SUGT1: variants seen among roughly 807,000 people sequenced by gnomAD.
SUGT1 encodes the protein protein SGT1 homolog.
In SUGT1, 15 loss-of-function variants were observed where a neutral mutation model predicts 56.1. The ratio of observed to expected loss-of-function variants is 0.27; its 90% CI spans 0.18 to 0.41. The LOEUF (loss-of-function observed/expected upper bound fraction) is 0.41. Among genes scored for constraint, SUGT1 ranks in the 10% least tolerant of loss-of-function variants. The probability of loss-of-function intolerance (pLI) is 1.00; values close to 1 mark genes in which losing one functional copy is unlikely to be tolerated. For missense variants in SUGT1, 347 were observed against 382.2 expected (o/e 0.91, Z 0.77); for synonymous variants, 123 against 128.6 (o/e 0.96, Z 0.30).
Position 52,657,569 on chromosome 13 carries a change from C to A in SUGT1, c.134C>A (p.Ala45Glu). The change falls in exon 3 of 13, where the codon GCA (alanine) becomes GAA (glutamate). Residue 45 changes from alanine to glutamate, a missense_variant. Coordinates refer to ENST00000310528, the MANE Select transcript of SUGT1 (RefSeq NM_006704.5). ...GCTTTGGAACAGAAACCAGATGATG[C>A]ACAGTATTATTGTCAAAGAGCTTAT... The part of the protein sequence containing the change: ...TKALEQKPDD[A>E]QYYCQRAYCH... The A allele has an allele frequency of 6.2e-7, 1 of 1,613,698 alleles. No individual in the cohort carries two copies. Among genetic ancestry groups the A allele is most frequent in the South Asian group, 1.1e-5 (1 of 91,048 alleles).
At position 52,689,033 on chromosome 13, in the gene SUGT1, T is replaced by G. The variant is rs2138185795; in HGVS notation, c.*1198T>G. 1 of 152,314 alleles carries G rather than the reference T, an allele frequency of 6.6e-6. No homozygotes were observed. The highest frequency in any genetic ancestry group is 1.5e-5 in the Non-Finnish European group (1 of 68,030). The allele number at this position is 152,314 out of a possible 1,614,324, so 9.4% of individuals were successfully genotyped here. A position where few individuals can be genotyped will look rare whatever the true frequency, so the allele number is the denominator to read the frequency against. ...GCTCTGTTAGGTGTCACTAACATTTTTATGGCAAAGCACTACTCTATACCC... is the reference window on the plus strand; with the variant it reads ...GCTCTGTTAGGTGTCACTAACATTTGTATGGCAAAGCACTACTCTATACCC... On this transcript the variant is annotated 3_prime_UTR_variant, in exon 13 of 13. Transcript: ENST00000310528.
intron 12 of SUGT1, among the ~76,000 whole-genome samples, chr13:52,684,814 C>T (rs991778736): frequency 2.6e-5 from 4 of 152,028 alleles, no homozygotes; most frequent in Admixed American, 1.3e-4. Context: ...AGGCATGAGC[C>T]ACCACGCCTG....
At chr13:52,675,329 T>G (rs2138152368) in intron 10 of SUGT1, among the ~76,000 whole-genome samples, 1 of 152,310 alleles carries the variant, frequency 6.6e-6, no homozygotes, top group Non-Finnish European at 1.5e-5. Flanking sequence ...ATCCTAGCAC[T>G]TTGGGAGGCT....
At chr13:52,677,720 A>G (rs1361218314) in intron 11 of SUGT1, among the ~76,000 whole-genome samples, 2 of 151,786 alleles carry the variant, frequency 1.3e-5, no homozygotes, top group Admixed American at 6.6e-5. Context: ...CCCGTTGTCT[A>G]CTTGTTGCAT....
chr13:52,663,990 A>G (rs1962572112), intron 7 of SUGT1, 45 bp from the exon 8 acceptor site: 1 of 1,598,346 alleles, frequency 6.3e-7, no homozygotes, highest in South Asian at 1.1e-5. Context: ...ACTGACTTGT[A>G]AAAATCTTTC....
At position 52,690,273 on chromosome 13, in the gene SUGT1, A is replaced by G. The variant is rs1447677550; in HGVS notation, c.*2438A>G. 1 of 152,210 alleles carries G rather than the reference A, an allele frequency of 6.6e-6. No individual in the cohort carries two copies. The highest frequency in any genetic ancestry group is 1.5e-5 in the Non-Finnish European group (1 of 68,032). The allele number at this position is 152,210 out of a possible 1,614,324, so 9.4% of individuals were successfully genotyped here. On this transcript the variant is annotated 3_prime_UTR_variant, in exon 13 of 13. Coordinates refer to ENST00000310528, the MANE Select transcript of SUGT1 (RefSeq NM_006704.5). ...AGATAATGGAAGCTTGTAAGCCTCC[A>G]GAAAGTTAAAACAAAAAACTTCTTT...
At position 52,698,977 on chromosome 13, in the gene SUGT1, AG is replaced by A. The variant is rs761094253; in HGVS notation, c.*11144del. ...TTGAATGAACTGATGGTTTTGAAGCAGGTGACCTGGAGGACTGCATGTAGAA... is the reference window on the plus strand; with the variant it reads ...TTGAATGAACTGATGGTTTTGAAGCAGTGACCTGGAGGACTGCATGTAGAA... On this transcript the variant is annotated 3_prime_UTR_variant, in exon 13 of 13. Transcript: ENST00000310528. 3.0e-4 allele frequency: 45 copies of A among 152,346 alleles called. No individual in the cohort carries two copies. The highest frequency in any genetic ancestry group is 5.4e-4 in the Non-Finnish European group (37 of 68,058). The allele number at this position is 152,346 out of a possible 1,614,324, so 9.4% of individuals were successfully genotyped here.
At chr13:52,653,736 G>C (rs1199630303) in intron 2 of SUGT1, among the ~76,000 whole-genome samples, 1 of 152,142 alleles carries the variant, frequency 6.6e-6, no homozygotes, top group Non-Finnish European at 1.5e-5. Context: ...GAATGTAAAA[G>C]ATCAAGAGTT....
At chr13:52,653,398 A>G (rs936536083) in intron 2 of SUGT1, among the ~76,000 whole-genome samples, 21 of 150,308 alleles carry the variant, frequency 1.4e-4, no homozygotes, top group African/African-American at 4.4e-4. Flanking sequence ...TTTTTTTTTA[A>G]TGACATTTAT....
chr13:52,684,130 A>G (rs565304261), intron 12 of SUGT1, among the ~76,000 whole-genome samples: 2 of 152,094 alleles, frequency 1.3e-5, no homozygotes, highest in East Asian at 3.9e-4. Flanking sequence ...GTAACTCCTG[A>G]GCTCAAGCGA....
intron 2 of SUGT1, among the ~76,000 whole-genome samples, chr13:52,654,408 TAATG>T (rs1308275284): frequency 6.6e-6 from 1 of 152,246 alleles, no homozygotes; most frequent in African/African-American, 2.4e-5. Context: ...AGTATTAACA[TAATG>T]AATTTTATTG....
intron 6 of SUGT1, 92 bp downstream of exon 6, chr13:52,662,794 T>C: frequency 7.7e-7 from 1 of 1,300,780 alleles, no homozygotes; most frequent in East Asian, 2.4e-5. Flanking sequence ...TTTATCTTTA[T>C]AATTTCTTTT....
At chr13:52,667,874 A>G (rs1594240391) in intron 10 of SUGT1, among the ~76,000 whole-genome samples, 1 of 152,282 alleles carries the variant, frequency 6.6e-6, no homozygotes, top group East Asian at 1.9e-4. Flanking sequence ...TGTGGACCAA[A>G]TGAACTCTGG....
rs368349329 is a variant in SUGT1 at position 52,680,124 on chromosome 13, A to T, written c.869A>T (p.Asp290Val). 39 of 1,587,550 alleles carry T rather than the reference A, an allele frequency of 2.5e-5. No individual in the cohort carries two copies. Among genetic ancestry groups the T allele is most frequent in the Non-Finnish European group, 3.3e-5 (39 of 1,172,342 alleles). The part of the protein sequence containing the change: ...LFQQIYSDGS[D>V]EVKRAMNKSF... ...CAGCAGATCTATTCAGATGGTTCTG[A>T]TGAAGTGAAACGTGCCATGAACAAA... The change falls in exon 12 of 13, where the codon GAT (aspartate) becomes GTT (valine). Residue 290 changes from aspartate to valine, a missense_variant. Asp to Val is a radical substitution (Grantham distance 152, BLOSUM62 -3). Transcript: ENST00000310528.
chr13:52,653,035 T>C lies in SUGT1; in HGVS notation c.39-11T>C. ...TAGTGAGCCCTGCTGAAGTCGTTGTTTTCCTGACAGGTTTTTCCAGAGCTT... is the reference window on the plus strand; with the variant it reads ...TAGTGAGCCCTGCTGAAGTCGTTGTCTTCCTGACAGGTTTTTCCAGAGCTT... On this transcript the variant is annotated splice_polypyrimidine_tract_variant and intron_variant, in intron 1 of 12. Coordinates refer to ENST00000310528, the MANE Select transcript of SUGT1 (RefSeq NM_006704.5). The C allele has an allele frequency of 6.2e-7, 1 of 1,614,158 alleles. No individual in the cohort carries two copies. Among genetic ancestry groups the C allele is most frequent in the Non-Finnish European group, 8.5e-7 (1 of 1,180,016 alleles).
intron 10 of SUGT1, among the ~76,000 whole-genome samples, chr13:52,668,102 C>T (rs1236171128): frequency 1.3e-5 from 2 of 152,034 alleles, no homozygotes; most frequent in Non-Finnish European, 2.9e-5. Context: ...CCTGCCTCAG[C>T]CTCCTGAGTA....
At chr13:52,687,045 T>C (rs1963617715) in intron 12 of SUGT1, 1 of 105,338 alleles carries the variant, frequency 9.5e-6, no homozygotes, top group African/African-American at 3.7e-5. Context: ...CACTCCAGCC[T>C]GGGCAATGAG....
chr13:52,668,063 G>A (rs1418731202), intron 10 of SUGT1, among the ~76,000 whole-genome samples: 1 of 151,462 alleles, frequency 6.6e-6, no homozygotes, highest in Non-Finnish European at 1.5e-5. Context: ...TGCAACCTCC[G>A]CCTTCTTGAA....
rs1476209497 is a variant in SUGT1, at chr13:52,680,102, C to T, written c.847C>T (p.Gln283Ter). 1 of 1,594,882 alleles carries T rather than the reference C, an allele frequency of 6.3e-7. No individual in the cohort carries two copies. Among genetic ancestry groups the T allele is most frequent in the Non-Finnish European group, 8.5e-7 (1 of 1,174,784 alleles). ...TGCAGCTTTAAACAGATTATTTCAG[C>T]AGATCTATTCAGATGGTTCTGATGA... ...GDAALNRLFQ[Q>*]IYSDGSDEVK... is the part of the protein sequence containing the mutation. Residue 283 changes from glutamine to a stop codon, truncating the protein, a stop_gained, in exon 12 of 13, where the codon CAG becomes TAG. Coordinates refer to ENST00000310528, the MANE Select transcript of SUGT1 (RefSeq NM_006704.5). LOFTEE classifies it high-confidence loss of function.
Sources: allele counts gnomAD v4.1 joint callset (sites outside exome capture counted in the v4.1 genomes callset), GRCh38; gene constraint gnomAD v4.1.1; transcripts MANE v1.5; gene names NCBI Gene and HGNC (gene_info 2026-07-23, HGNC 2026-07-21).